Variants in BDP1 observed in about 807,000 individuals in gnomAD.
BDP1 encodes the protein transcription factor TFIIIB component B'' homolog.
A neutral mutation model predicts 266.6 loss-of-function variants in BDP1; 169 were observed. That is an observed-to-expected ratio of 0.63 (90% CI 0.56 to 0.72). The LOEUF (loss-of-function observed/expected upper bound fraction) is 0.72. BDP1 is among the 30% of genes least tolerant of loss of function. The probability of loss-of-function intolerance (pLI) is 0.00; values close to 1 mark genes in which losing one functional copy is unlikely to be tolerated. For missense variants in BDP1, 3,015 were observed against 3,053.8 expected (o/e 0.99, Z 0.30); for synonymous variants, 1,090 against 1,022.4 (o/e 1.07, Z -1.26).
At chr5:71,532,053 T>C (rs2150535659) in intron 25 of BDP1, among the ~76,000 whole-genome samples, 1 of 152,294 alleles carries the variant, frequency 6.6e-6, no homozygotes, top group East Asian at 1.9e-4. Flanking sequence ...TGCCAGGCAC[T>C]AAGAAGATGA....
At chr5:71,474,125 G>A (rs777386291) in intron 7 of BDP1, among the ~76,000 whole-genome samples, 5 of 151,342 alleles carry the variant, frequency 3.3e-5, no homozygotes, top group Admixed American at 6.6e-5. Context: ...GACTACAGGC[G>A]CCCACCACCA....
intron 7 of BDP1, among the ~76,000 whole-genome samples, chr5:71,475,557 G>A (rs1437524894): frequency 6.6e-6 from 1 of 152,168 alleles, no homozygotes; most frequent in East Asian, 1.9e-4. Context: ...TTCCAGTTCA[G>A]CAAAGCAGTA....
At chr5:71,469,653 G>A (rs980459615) in intron 6 of BDP1, among the ~76,000 whole-genome samples, 2 of 150,462 alleles carry the variant, frequency 1.3e-5, no homozygotes, top group Non-Finnish European at 3.0e-5. Flanking sequence ...TCGCTCTTTC[G>A]CCCAGGCTGG....
At chr5:71,524,736 C>G (rs1765693125) in intron 25 of BDP1, among the ~76,000 whole-genome samples, 1 of 149,148 alleles carries the variant, frequency 6.7e-6, no homozygotes. Context: ...AGCAGATAAA[C>G]AAGTGAACAA....
chr5:71,561,103 G>C lies in BDP1; in HGVS notation c.7496+866G>C, dbSNP rs112352953. 8.6e-3 allele frequency among the ~76,000 whole-genome samples: 1,263 copies of C among 147,138 alleles called. 20 individuals are homozygous for C. Among genetic ancestry groups the C allele is most frequent in the African/African-American group, 0.03 (1,175 of 39,820 alleles). On this transcript the variant is annotated intron_variant, in intron 37 of 38. Transcript: ENST00000358731. ...GGGCAACATAGCCAGACCCGTCTCT[G>C]AAAAAAGAAAAAAAAAGGCTGGGTG...
chr5:71,526,540 C>T (rs575195953), intron 25 of BDP1, among the ~76,000 whole-genome samples: 1 of 137,968 alleles, frequency 7.2e-6, no homozygotes, highest in Admixed American at 7.8e-5. Context: ...TGCTTGAACC[C>T]GGGAAGCGGA....
At chr5:71,563,344 C>T (rs866548524) in intron 38 of BDP1, among the ~76,000 whole-genome samples, 16 of 152,098 alleles carry the variant, frequency 1.1e-4, no homozygotes, top group African/African-American at 3.6e-4. Flanking sequence ...GGCGGGATTT[C>T]GCCATGTGGG....
chr5:71,492,331 C>G (rs768372633), intron 11 of BDP1, among the ~76,000 whole-genome samples: 2 of 152,106 alleles, frequency 1.3e-5, no homozygotes. Context: ...TTTCCAATAG[C>G]GGGTACACCA....
At chr5:71,474,280 T>C (rs1448839938) in intron 7 of BDP1, among the ~76,000 whole-genome samples, 4 of 151,100 alleles carry the variant, frequency 2.6e-5, no homozygotes, top group African/African-American at 9.7e-5. Flanking sequence ...GTGCCTGGCC[T>C]GTACATTTCC....
rs373481260 is a variant in BDP1, at chr5:71,458,584, A to G, written c.218A>G (p.Glu73Gly). The change falls in exon 2 of 39, where the codon GAA becomes GGA. Residue 73 changes from glutamate to glycine, a missense_variant. Coordinates refer to ENST00000358731, the MANE Select transcript of BDP1 (RefSeq NM_018429.3). ...TTCTTTTTTAATTTCAACAGTACTG[A>G]AAAGACTGGTGGTGACAATGATGTT... Reference protein sequence around the residue: ...PQEKAPRSSTEKTGGDNDVEE... With the variant: ...PQEKAPRSSTGKTGGDNDVEE... 2.5e-6 allele frequency: 4 copies of G among 1,608,094 alleles called. No individual in the cohort carries two copies. Among genetic ancestry groups the G allele is most frequent in the Non-Finnish European group, 3.4e-6 (4 of 1,177,306 alleles).
chr5:71,550,457 TA>T (rs67375989), intron 34 of BDP1, among the ~76,000 whole-genome samples: 69,747 of 134,918 alleles, frequency 0.52, 16,373 homozygotes, highest in South Asian at 0.6. Context: ...GTTAGCTAAT[TA>T]AAAAAAAATT....
rs773440812 is a variant in BDP1 at position 71,516,054 on chromosome 5, T to C, written c.4650-7T>C. ...CGCCCTGCCTTTCTCCCTGTCCCCTTGTTTAGGACTAATAATGTAAACACT... is the reference window on the plus strand; with the variant it reads ...CGCCCTGCCTTTCTCCCTGTCCCCTCGTTTAGGACTAATAATGTAAACACT... On this transcript the variant is annotated splice_region_variant and splice_polypyrimidine_tract_variant and intron_variant, in intron 20 of 38. Transcript: ENST00000358731. 1 of 1,592,252 alleles carries C rather than the reference T, an allele frequency of 6.3e-7. No individual in the cohort carries two copies. Among genetic ancestry groups the C allele is most frequent in the Non-Finnish European group, 8.6e-7 (1 of 1,168,424 alleles).
chr5:71,489,579 A>G lies in BDP1; in HGVS notation c.1389A>G (p.Lys463=). The change falls in exon 10 of 39, where the codon AAA becomes AAG. Residue 463 remains lysine (K), a synonymous_variant. Transcript: ENST00000358731. ...TAGAAGTAGACCTAAATCAAAAGAA[A>G]AGAAGGAGGAAGAAGCAAGATGGAG... ...VALEVDLNQK[K]RRRKKQDGAN... is the part of the protein sequence containing the mutation. 1 of 1,614,090 alleles carries G rather than the reference A, an allele frequency of 6.2e-7. No homozygotes were observed. Among genetic ancestry groups the G allele is most frequent in the Non-Finnish European group, 8.5e-7 (1 of 1,179,952 alleles).
intron 25 of BDP1, among the ~76,000 whole-genome samples, chr5:71,527,945 A>G (rs987408565): frequency 1.3e-5 from 2 of 151,910 alleles, no homozygotes; most frequent in African/African-American, 4.8e-5. Context: ...CAGCCTCCCA[A>G]GAAGCTGGGA....
intron 15 of BDP1, among the ~76,000 whole-genome samples, chr5:71,503,945 A>G (rs983078866): frequency 2.6e-5 from 4 of 151,080 alleles, no homozygotes; most frequent in Non-Finnish European, 5.9e-5. Flanking sequence ...GTTGCACTCT[A>G]GCGTGGGTGA....
intron 16 of BDP1, among the ~76,000 whole-genome samples, chr5:71,507,792 G>C (rs1478429175): frequency 1.3e-5 from 2 of 152,186 alleles, no homozygotes; most frequent in Non-Finnish European, 1.5e-5. Context: ...TAAAGTTAAT[G>C]ATGGATATAA....
chr5:71,548,835 T>C (rs1742524383), intron 33 of BDP1, 90 bp downstream of exon 33: 3 of 912,016 alleles, frequency 3.3e-6, no homozygotes, highest in Non-Finnish European at 5.3e-6. Flanking sequence ...AAAACAGTTG[T>C]ATTTTAGTCT....
chr5:71,564,748 T>G lies in BDP1; in HGVS notation c.7744-6T>G, dbSNP rs902532252. 1.9e-6 allele frequency: 3 copies of G among 1,593,872 alleles called. No individual in the cohort carries two copies. The highest frequency in any genetic ancestry group is 8.5e-7 in the Non-Finnish European group (1 of 1,174,696). Reference sequence around the variant, plus strand: ...TATTTTTACTTTATTTTTATTACCTTTTTAGGTTTCTTGTGATCAGCCCTT... The same window carrying G: ...TATTTTTACTTTATTTTTATTACCTGTTTAGGTTTCTTGTGATCAGCCCTT... On this transcript the variant is annotated splice_region_variant and splice_polypyrimidine_tract_variant and intron_variant, in intron 38 of 38. Transcript: ENST00000358731.
intron 3 of BDP1, among the ~76,000 whole-genome samples, chr5:71,462,282 G>C (rs1027475791): frequency 6.6e-6 from 1 of 151,684 alleles, no homozygotes; most frequent in Non-Finnish European, 1.5e-5. Flanking sequence ...ACTTTATTTG[G>C]GTATGTAGTT....
Sources: gnomAD v4.1 joint callset for allele counts (sites outside exome capture counted in the v4.1 genomes callset) on GRCh38, gnomAD v4.1.1 for gene constraint, MANE v1.5 for transcripts, NCBI Gene and HGNC (gene_info 2026-07-23, HGNC 2026-07-21) for gene names.